The following GRM5 variants were observed in gnomAD, a reference collection of about 807,000 sequenced individuals.
GRM5 encodes metabotropic glutamate receptor 5.
In GRM5, 19 loss-of-function variants were observed where a neutral mutation model predicts 83.1. The ratio of observed to expected loss-of-function variants is 0.23; its 90% CI spans 0.16 to 0.34. The LOEUF (loss-of-function observed/expected upper bound fraction) is 0.34, where lower values mean the gene tolerates loss of function less well. Ranked by LOEUF, GRM5 falls within the 10% of genes least tolerant of loss-of-function variation. The pLI is 1.00. For synonymous variants in GRM5, 675 were observed against 633.6 expected, an observed-to-expected ratio of 1.07 and a Z score of -0.98; for missense variants, 1,160 against 1,588.3, an observed-to-expected ratio of 0.73 and a Z score of 4.58.
At chr11:88,943,301 T>G (rs1938172669) in intron 2 of GRM5, among the ~76,000 whole-genome samples, 1 of 152,076 alleles carries the variant, frequency 6.6e-6, no homozygotes, top group Admixed American at 6.6e-5. Context: ...TCCAGACATC[T>G]AGAAATCATC....
At chr11:88,790,082 T>C (rs1943145807) in intron 3 of GRM5, among the ~76,000 whole-genome samples, 1 of 152,150 alleles carries the variant, frequency 6.6e-6, no homozygotes, top group South Asian at 2.1e-4. Context: ...CAGGCTGGCC[T>C]TCAATTCCTG....
At chr11:88,625,543 G>T (rs562657057) in intron 4 of GRM5, among the ~76,000 whole-genome samples, 2 of 151,984 alleles carry the variant, frequency 1.3e-5, no homozygotes, top group South Asian at 4.2e-4. Flanking sequence ...GCATCGTACC[G>T]GCATTATCCT....
chr11:88,648,019 G>A (rs1371138293), intron 4 of GRM5, among the ~76,000 whole-genome samples: 1 of 151,526 alleles, frequency 6.6e-6, no homozygotes, highest in Non-Finnish European at 1.5e-5. Context: ...TGCTGGAGAG[G>A]ATGTGGAGAA....
At chr11:88,566,948 A>T (rs983741618) in intron 8 of GRM5, 105 bp downstream of exon 8, 1 of 717,794 alleles carries the variant, frequency 1.4e-6, no homozygotes. Flanking sequence ...CCTGCCTCAC[A>T]TGGTTTCATT....
chr11:88,690,378 A>G (rs539347647), intron 3 of GRM5, among the ~76,000 whole-genome samples: 3 of 152,172 alleles, frequency 2.0e-5, no homozygotes, highest in Non-Finnish European at 4.4e-5. Flanking sequence ...GGGAAGGCAT[A>G]TTATAAACCT....
intron 2 of GRM5, among the ~76,000 whole-genome samples, chr11:89,017,265 C>T (rs1367574066): frequency 9.2e-5 from 14 of 152,130 alleles, no homozygotes; most frequent in Non-Finnish European, 1.9e-4. Flanking sequence ...TGTAGCAATG[C>T]TCAATGAATA....
intron 2 of GRM5, among the ~76,000 whole-genome samples, chr11:88,945,867 A>G (rs1435149691): frequency 6.6e-5 from 10 of 152,156 alleles, no homozygotes; most frequent in Non-Finnish European, 1.3e-4. Context: ...AATTGCAACA[A>G]AAACAAAAAT....
chr11:88,891,714 C>A (rs1226971179), intron 2 of GRM5, among the ~76,000 whole-genome samples: 1 of 151,754 alleles, frequency 6.6e-6, no homozygotes, highest in Admixed American at 6.6e-5. Context: ...CACTTACAGA[C>A]AATTGTTATC....
intron 2 of GRM5, among the ~76,000 whole-genome samples, chr11:88,920,005 G>A (rs1459279604): frequency 6.6e-6 from 1 of 151,434 alleles, no homozygotes; most frequent in East Asian, 1.9e-4. Flanking sequence ...GAAAAATAAG[G>A]GCAAGGCACA....
At chr11:88,911,900 G>A in intron 2 of GRM5, 1 of 403,856 alleles carries the variant, frequency 2.5e-6, no homozygotes, top group Non-Finnish European at 5.1e-6. Flanking sequence ...GGAAATGGTG[G>A]TGGGGAACCT....
chr11:89,029,142 G>A (rs1941200708), intron 2 of GRM5, among the ~76,000 whole-genome samples: 1 of 152,132 alleles, frequency 6.6e-6, no homozygotes, highest in African/African-American at 2.4e-5. Context: ...AGTATTCCAT[G>A]GTTTATATGT....
At chr11:88,571,405 C>T (rs757988422) in intron 7 of GRM5, among the ~76,000 whole-genome samples, 1 of 151,938 alleles carries the variant, frequency 6.6e-6, no homozygotes, top group Non-Finnish European at 1.5e-5. Flanking sequence ...AGTTTGATGC[C>T]TTCATTGCAA....
chr11:88,892,762 C>A (rs1018430460), intron 2 of GRM5, among the ~76,000 whole-genome samples: 1 of 151,976 alleles, frequency 6.6e-6, no homozygotes, highest in Non-Finnish European at 1.5e-5. Context: ...AAGTGGTGAT[C>A]TCCTGCAGCT....
chr11:88,917,473 A>G (rs1358689473), intron 2 of GRM5, among the ~76,000 whole-genome samples: 2 of 152,184 alleles, frequency 1.3e-5, no homozygotes, highest in Admixed American at 6.5e-5. Context: ...CTAGGAAAAC[A>G]TGACTTTGCC....
intron 2 of GRM5, among the ~76,000 whole-genome samples, chr11:88,882,845 G>A (rs1263592029): frequency 1.3e-5 from 2 of 152,130 alleles, no homozygotes; most frequent in African/African-American, 4.8e-5. Context: ...GACCCAGTGG[G>A]AGGTAACTGA....
At chr11:88,712,115 A>G (rs995029907) in intron 3 of GRM5, among the ~76,000 whole-genome samples, 1 of 152,062 alleles carries the variant, frequency 6.6e-6, no homozygotes, top group African/African-American at 2.4e-5. Context: ...TGCAAGTCGA[A>G]AATCCTTCTC....
intron 2 of GRM5, among the ~76,000 whole-genome samples, chr11:89,018,937 C>T (rs1431308731): frequency 1.3e-5 from 2 of 152,132 alleles, no homozygotes; most frequent in East Asian, 3.9e-4. Context: ...AAAGACTAAA[C>T]TAATATTGAT....
chr11:88,822,111 A>G (rs1186571696), intron 3 of GRM5, among the ~76,000 whole-genome samples: 1 of 152,210 alleles, frequency 6.6e-6, no homozygotes, highest in Non-Finnish European at 1.5e-5. Context: ...ATATTTTGTG[A>G]GCAACTGCCA....
intron 9 of GRM5, among the ~76,000 whole-genome samples, chr11:88,514,272 G>C (rs1374281954): frequency 3.3e-5 from 5 of 152,118 alleles, no homozygotes; most frequent in Non-Finnish European, 5.9e-5. Flanking sequence ...AATGTTATTT[G>C]AGGATTAAGT....
Sources: allele counts gnomAD v4.1 joint callset (sites outside exome capture counted in the v4.1 genomes callset), GRCh38; gene constraint gnomAD v4.1.1; transcripts MANE v1.5; gene names NCBI Gene and HGNC (gene_info 2026-07-23, HGNC 2026-07-21).